ADAMTS12: variants seen among roughly 807,000 people sequenced by gnomAD.
The protein encoded by ADAMTS12 is A disintegrin and metalloproteinase with thrombospondin motifs 12.
ADAMTS12 carries 118 observed loss-of-function variants against 167.8 expected under a neutral mutation model. The observed-to-expected ratio is 0.70, with a 90% confidence interval of 0.61 to 0.82. ADAMTS12 has a LOEUF of 0.82. Ranked by LOEUF, ADAMTS12 falls within the 40% of genes least tolerant of loss-of-function variation. The probability of loss-of-function intolerance (pLI) is 0.00; values close to 1 mark genes in which losing one functional copy is unlikely to be tolerated. For missense variants in ADAMTS12, 1,916 were observed against 1,998.8 expected, an observed-to-expected ratio of 0.96 and a Z score of 0.79; for synonymous variants, 704 against 716.9, an observed-to-expected ratio of 0.98 and a Z score of 0.29.
chr5:33,595,662 C>G (rs1229121244), intron 17 of ADAMTS12, among the ~76,000 whole-genome samples: 1 of 152,214 alleles, frequency 6.6e-6, no homozygotes, highest in Non-Finnish European at 1.5e-5. Context: ...ATCCACTTAG[C>G]ACTCTCTTCA....
chr5:33,621,444 C>T (rs143236987), intron 14 of ADAMTS12, among the ~76,000 whole-genome samples: 4 of 150,826 alleles, frequency 2.7e-5, no homozygotes, highest in Admixed American at 2.0e-4. Context: ...TTTGAGGATG[C>T]GGCAAAAGAT....
chr5:33,605,609 T>C (rs1738394800), intron 16 of ADAMTS12, among the ~76,000 whole-genome samples: 1 of 152,092 alleles, frequency 6.6e-6, no homozygotes, highest in Admixed American at 6.6e-5. Flanking sequence ...GAGTTCAGTT[T>C]GAAAGGAAAA....
intron 9 of ADAMTS12, among the ~76,000 whole-genome samples, chr5:33,647,851 G>A (rs1298022230): frequency 6.6e-6 from 1 of 152,166 alleles, no homozygotes; most frequent in Non-Finnish European, 1.5e-5. Flanking sequence ...AAGTTTGCTT[G>A]TTCTGTCTAA....
intron 3 of ADAMTS12, among the ~76,000 whole-genome samples, chr5:33,694,608 G>A (rs1742684396): frequency 6.6e-6 from 1 of 151,608 alleles, no homozygotes; most frequent in Non-Finnish European, 1.5e-5. Flanking sequence ...ACTGAACGCA[G>A]AGAGCCACAT....
intron 2 of ADAMTS12, among the ~76,000 whole-genome samples, chr5:33,828,077 G>A (rs1482743912): frequency 6.6e-6 from 1 of 152,118 alleles, no homozygotes; most frequent in Admixed American, 6.6e-5. Context: ...TGGGTCACAG[G>A]ACATATGACC....
chr5:33,873,753 A>G (rs985210515), intron 2 of ADAMTS12, among the ~76,000 whole-genome samples: 4 of 152,212 alleles, frequency 2.6e-5, no homozygotes, highest in Non-Finnish European at 4.4e-5. Flanking sequence ...AAATAGACCA[A>G]CATAAATATA....
chr5:33,526,516 CTG>C lies in ADAMTS12; in HGVS notation c.*670_*671del, dbSNP rs1743818357. 1 of 152,206 alleles carries C rather than the reference CTG, an allele frequency of 6.6e-6. No homozygotes were observed. Among genetic ancestry groups the C allele is most frequent in the East Asian group, 1.9e-4 (1 of 5,204 alleles). 9.4% of individuals were successfully genotyped at this position (152,206 alleles called of 1,614,324 possible). ...GTGTAAGTGACCTAAACCCCTTAGGCTGTGTTTCTTATGCCTGTTTCCTCTTA... is the reference window on the plus strand; with the variant it reads ...GTGTAAGTGACCTAAACCCCTTAGGCTGTTTCTTATGCCTGTTTCCTCTTA... On this transcript the variant is annotated 3_prime_UTR_variant, in exon 24 of 24. Coordinates refer to ENST00000504830, the MANE Select transcript of ADAMTS12 (RefSeq NM_030955.4).
intron 2 of ADAMTS12, among the ~76,000 whole-genome samples, chr5:33,798,628 C>T (rs547956183): frequency 2.4e-4 from 37 of 151,884 alleles, no homozygotes; most frequent in Middle Eastern, 3.4e-3. Flanking sequence ...TTTGCAGAGA[C>T]GGGGTTTCAC....
At chr5:33,739,281 A>G (rs1157815908) in intron 3 of ADAMTS12, among the ~76,000 whole-genome samples, 1 of 151,890 alleles carries the variant, frequency 6.6e-6, no homozygotes, top group African/African-American at 2.4e-5. Context: ...ACACACACAT[A>G]TAGGCAAACA....
At chr5:33,880,420 C>T (rs1433099476) in intron 2 of ADAMTS12, among the ~76,000 whole-genome samples, 1 of 152,212 alleles carries the variant, frequency 6.6e-6, no homozygotes, top group African/African-American at 2.4e-5. Context: ...TTCAGCCATA[C>T]AGTAACTACA....
At chr5:33,819,455 G>A (rs192458957) in intron 2 of ADAMTS12, among the ~76,000 whole-genome samples, 59 of 152,034 alleles carry the variant, frequency 3.9e-4, no homozygotes, top group African/African-American at 1.4e-3. Context: ...GTATCATACT[G>A]TTTTGATTAC....
intron 2 of ADAMTS12, among the ~76,000 whole-genome samples, chr5:33,877,175 T>C (rs1395338077): frequency 6.6e-6 from 1 of 152,220 alleles, no homozygotes; most frequent in Admixed American, 6.5e-5. Flanking sequence ...TCAAAAACTG[T>C]ATTCACTTTA....
Position 33,546,101 on chromosome 5 carries a change from A to G in ADAMTS12, c.4404T>C (p.Asn1468=). 1.2e-6 allele frequency: 2 copies of G among 1,613,790 alleles called. No individual in the cohort carries two copies. The highest frequency in any genetic ancestry group is 1.7e-6 in the Non-Finnish European group (2 of 1,179,946). Residue 1468 remains asparagine, a synonymous_variant, in exon 22 of 24, where the codon AAT becomes AAC. Transcript: ENST00000504830. ...TGGCCCAGTGACAGCACAGGTGCTC[A>G]TTGCAAGACATGGTGGATGTGGGTC... The part of the protein sequence containing the change: ...TKRPTSTMSC[N]EHLCCHWATG...
At chr5:33,861,686 C>T (rs1214103806) in intron 2 of ADAMTS12, among the ~76,000 whole-genome samples, 1 of 152,320 alleles carries the variant, frequency 6.6e-6, no homozygotes, top group East Asian at 1.9e-4. Context: ...ACCTAATATA[C>T]ATCTACAGAA....
chr5:33,597,520 G>A (rs569372237), intron 16 of ADAMTS12, among the ~76,000 whole-genome samples: 101 of 152,212 alleles, frequency 6.6e-4, no homozygotes, highest in African/African-American at 2.3e-3. Context: ...CACACAGCTC[G>A]CAGGACTGAC....
chr5:33,774,819 C>T (rs570925683), intron 2 of ADAMTS12, among the ~76,000 whole-genome samples: 15 of 152,258 alleles, frequency 9.9e-5, no homozygotes, highest in African/African-American at 3.1e-4. Context: ...TTTATTCTCC[C>T]GCTGATTTGT....
chr5:33,710,788 G>A lies in ADAMTS12; in HGVS notation c.635-26733C>T, dbSNP rs1159571162. Among the ~76,000 whole-genome samples the A allele has an allele frequency of 3.3e-5, 5 of 152,268 alleles. No individual in the cohort carries two copies. The East Asian group carries it at 5.8e-4, about 18-fold the overall frequency. ...GTGCCATTTAAGTTGAGACCTCAGT[G>A]ACGAAAAGCCTATGTGCAGACACAC... On this transcript the variant is annotated intron_variant, in intron 3 of 23. Coordinates refer to ENST00000504830, the MANE Select transcript of ADAMTS12 (RefSeq NM_030955.4).
chr5:33,549,097 T>C (rs1240895581), intron 21 of ADAMTS12, 110 bp downstream of exon 21: 2 of 1,360,398 alleles, frequency 1.5e-6, no homozygotes, highest in South Asian at 1.4e-5. Context: ...GGCCAGTCAT[T>C]GGCAGGACAC....
Position 33,781,259 on chromosome 5 carries a change from G to GTA in ADAMTS12, c.490-29713_490-29712dup, listed in dbSNP as rs72093421. 1.1e-3 allele frequency among the ~76,000 whole-genome samples: 169 copies of GTA among 151,136 alleles called. 2 individuals are homozygous for GTA. The highest frequency in any genetic ancestry group is 3.4e-3 in the African/African-American group (142 of 41,212). ...TACAGATATGTGCATGTGTGTGTGTGTATATATATATATGTATATATACAC... is the reference window on the plus strand; with the variant it reads ...TACAGATATGTGCATGTGTGTGTGTGTATATATATATATATGTATATATACAC... On this transcript the variant is annotated intron_variant, in intron 2 of 23. Coordinates refer to ENST00000504830, the MANE Select transcript of ADAMTS12 (RefSeq NM_030955.4).
Sources: gnomAD v4.1 joint callset for allele counts (sites outside exome capture counted in the v4.1 genomes callset) on GRCh38, gnomAD v4.1.1 for gene constraint, MANE v1.5 for transcripts, NCBI Gene and HGNC (gene_info 2026-07-23, HGNC 2026-07-21) for gene names.